The following ESRRG variants were observed in gnomAD, a reference collection of about 807,000 sequenced individuals.
The protein encoded by ESRRG is estrogen related receptor gamma.
A neutral mutation model predicts 44.0 loss-of-function variants in ESRRG; 13 were observed. The ratio of observed to expected loss-of-function variants is 0.30; its 90% confidence interval spans 0.19 to 0.47. The LOEUF (loss-of-function observed/expected upper bound fraction) is 0.47, where lower values mean the gene tolerates loss of function less well. ESRRG is among the 20% of genes least tolerant of loss of function. ESRRG has a pLI of 1.00. For synonymous variants in ESRRG, 215 were observed against 214.6 expected, an observed-to-expected ratio of 1.00 and a Z score of -0.02; for missense variants, 395 against 580.6, an observed-to-expected ratio of 0.68 and a Z score of 3.29.
intron 2 of ESRRG, among the ~76,000 whole-genome samples, chr1:216,655,015 G>A (rs2070091830): frequency 6.6e-6 from 1 of 152,136 alleles, no homozygotes; most frequent in Non-Finnish European, 1.5e-5. Flanking sequence ...CTCTTCAAAA[G>A]GCAGAAGGGA....
At chr1:216,870,806 C>G (rs1160919013) in intron 2 of ESRRG, among the ~76,000 whole-genome samples, 1 of 151,734 alleles carries the variant, frequency 6.6e-6, no homozygotes, top group Non-Finnish European at 1.5e-5. Flanking sequence ...TCTTATTATC[C>G]TTTTAATGGT....
intron 2 of ESRRG, among the ~76,000 whole-genome samples, chr1:216,672,951 T>A (rs2075468411): frequency 6.6e-6 from 1 of 152,184 alleles, no homozygotes; most frequent in African/African-American, 2.4e-5. Context: ...CACACGTCCC[T>A]TAAGTCAATG....
intron 2 of ESRRG, among the ~76,000 whole-genome samples, chr1:216,741,169 G>A (rs1049486722): frequency 6.8e-6 from 1 of 147,124 alleles, no homozygotes; most frequent in Non-Finnish European, 1.5e-5. Context: ...GCTCTTTGGG[G>A]TCAGGGTAAT....
At chr1:217,084,133 TAAAA>T (rs34135419) in intron 1 of ESRRG, among the ~76,000 whole-genome samples, 2 of 141,028 alleles carry the variant, frequency 1.4e-5, no homozygotes, top group Admixed American at 7.0e-5. Flanking sequence ...AAGAATGGAT[TAAAA>T]AAAAAAAAAA....
chr1:216,988,109 A>C (rs928976971), intron 1 of ESRRG, among the ~76,000 whole-genome samples: 10 of 152,068 alleles, frequency 6.6e-5, no homozygotes, highest in Non-Finnish European at 5.9e-5. Flanking sequence ...TCCTGCAGAA[A>C]CTCAAAATAA....
chr1:216,893,772 GA>G (rs1262807519), intron 2 of ESRRG, among the ~76,000 whole-genome samples: 2 of 152,078 alleles, frequency 1.3e-5, no homozygotes, highest in East Asian at 3.9e-4. Context: ...TGTTGGCAAG[GA>G]AAATGACATG....
At position 216,506,360 on chromosome 1, in the gene ESRRG, G is replaced by A. The variant is rs1323765661; in HGVS notation, c.*579C>T. The A allele has an allele frequency of 2.1e-5, 6 of 289,246 alleles. No homozygotes were observed. The allele number at this position is 289,246 out of a possible 1,614,324, so 17.9% of individuals were successfully genotyped here. ...TTATGGATCTCCATCCTTTGGCAGG[G>A]CTGGCTTCCATCTCTCTTCAGTTAG... is the stretch of plus-strand genomic sequence containing the variant. On this transcript the variant is annotated 3_prime_UTR_variant, in exon 7 of 7. Coordinates refer to ENST00000408911, the MANE Select transcript of ESRRG (RefSeq NM_001438.4).
chr1:217,062,277 A>G (rs1285955351), intron 1 of ESRRG, among the ~76,000 whole-genome samples: 2 of 152,256 alleles, frequency 1.3e-5, no homozygotes, highest in East Asian at 1.9e-4. Context: ...CATTAAAATG[A>G]CCATGTTTTA....
At chr1:216,878,047 A>G (rs11117714) in intron 2 of ESRRG, among the ~76,000 whole-genome samples, 8,360 of 152,302 alleles carry the variant, frequency 0.055, 811 homozygotes, top group African/African-American at 0.19. Context: ...TACTGGCTAC[A>G]GCAGTCTACA....
chr1:216,825,471 G>T (rs1388940150), intron 2 of ESRRG, among the ~76,000 whole-genome samples: 2 of 152,134 alleles, frequency 1.3e-5, no homozygotes, highest in Admixed American at 6.6e-5. Context: ...CATCGTAAAA[G>T]AAATCAGCCC....
At chr1:216,678,272 T>C (rs2076449179) in intron 1 of ESRRG, among the ~76,000 whole-genome samples, 1 of 152,334 alleles carries the variant, frequency 6.6e-6, no homozygotes, top group Middle Eastern at 3.4e-3. Flanking sequence ...TACGTGCATG[T>C]GTTTCTTATG....
chr1:216,625,562 T>C (rs987912754), intron 3 of ESRRG, among the ~76,000 whole-genome samples: 1 of 152,114 alleles, frequency 6.6e-6, no homozygotes, highest in Non-Finnish European at 1.5e-5. Flanking sequence ...TGTCTAGAGA[T>C]GATAACATAG....
At chr1:216,560,700 G>T (rs915224181) in intron 5 of ESRRG, among the ~76,000 whole-genome samples, 1 of 152,068 alleles carries the variant, frequency 6.6e-6, no homozygotes, top group African/African-American at 2.4e-5. Context: ...CAACCCATTC[G>T]AAAAAAGGCC....
chr1:216,620,520 A>C (rs2150459665), intron 3 of ESRRG, among the ~76,000 whole-genome samples: 1 of 152,270 alleles, frequency 6.6e-6, no homozygotes, highest in African/African-American at 2.4e-5. Context: ...GGACTGGCAA[A>C]CCTATAAAAA....
chr1:216,928,336 T>C (rs2062855566), intron 2 of ESRRG, among the ~76,000 whole-genome samples: 1 of 152,162 alleles, frequency 6.6e-6, no homozygotes, highest in Non-Finnish European at 1.5e-5. Flanking sequence ...CAGTTTTTTC[T>C]GCCCCTTCTA....
intron 3 of ESRRG, among the ~76,000 whole-genome samples, chr1:216,600,203 G>C (rs2059013360): frequency 6.6e-6 from 1 of 152,148 alleles, no homozygotes; most frequent in Admixed American, 6.5e-5. Context: ...AGGGTGACTA[G>C]GCAGAGCAGA....
intron 2 of ESRRG, chr1:216,865,318 G>A (rs771339083): frequency 3.3e-5 from 5 of 151,618 alleles, no homozygotes; most frequent in Admixed American, 1.3e-4. Context: ...CAAAGCGGCC[G>A]TTTGCTCAGC....
chr1:216,682,841 TACA>T (rs1451361042), intron 1 of ESRRG, among the ~76,000 whole-genome samples: 3 of 151,914 alleles, frequency 2.0e-5, no homozygotes, highest in African/African-American at 7.3e-5. Flanking sequence ...CAGCCTGAGT[TACA>T]ACTTCAAGCA....
intron 1 of ESRRG, among the ~76,000 whole-genome samples, chr1:216,715,899 A>G (rs2084761150): frequency 6.6e-6 from 1 of 152,098 alleles, no homozygotes; most frequent in South Asian, 2.1e-4. Flanking sequence ...AAAAGGAATT[A>G]TCATTTACAA....
Sources: allele counts gnomAD v4.1 joint callset (sites outside exome capture counted in the v4.1 genomes callset), GRCh38; gene constraint gnomAD v4.1.1; transcripts MANE v1.5; gene names NCBI Gene and HGNC (gene_info 2026-07-23, HGNC 2026-07-21).